The following PARN variants were observed in gnomAD, a reference collection of about 807,000 sequenced individuals.
The protein encoded by PARN is poly(A)-specific ribonuclease PARN.
In PARN, 71 loss-of-function variants were observed where a neutral mutation model predicts 102.8. That is an observed-to-expected ratio of 0.69 (90% CI 0.57 to 0.84). PARN has a LOEUF of 0.84. Ranked by LOEUF, PARN falls within the 40% of genes least tolerant of loss-of-function variation. The pLI, the probability that PARN is intolerant of heterozygous loss-of-function variation, is 0.00. For missense variants in PARN, 782 were observed against 760.9 expected, an observed-to-expected ratio of 1.03 and a Z score of -0.33; for synonymous variants, 261 against 252.9, an observed-to-expected ratio of 1.03 and a Z score of -0.30.
At chr16:14,530,061 G>A (rs966993502) in intron 21 of PARN, among the ~76,000 whole-genome samples, 3 of 152,156 alleles carry the variant, frequency 2.0e-5, no homozygotes, top group Admixed American at 1.3e-4. Flanking sequence ...TGGCCCTTGG[G>A]TGTCAGACTC....
intron 5 of PARN, among the ~76,000 whole-genome samples, chr16:14,618,334 A>G (rs1161925510): frequency 6.6e-6 from 1 of 152,044 alleles, no homozygotes; most frequent in Non-Finnish European, 1.5e-5. Flanking sequence ...AAAAATAAAA[A>G]TAAATTAGCC....
chr16:14,603,826 T>C (rs987683560), intron 11 of PARN, among the ~76,000 whole-genome samples: 2 of 152,200 alleles, frequency 1.3e-5, no homozygotes, highest in African/African-American at 4.8e-5. Flanking sequence ...CTAGTAACTA[T>C]ACATGAAGTT....
In PARN at chr16:14,468,978, T is replaced by TA. The variant is rs752152603; in HGVS notation, c.1670+13659dup. ...ACACTAAAACAAACAAACAAAGAAA[T>TA]AAAAAAAACACACATAAAAAAACGA... On this transcript the variant is annotated intron_variant, in intron 22 of 23. Coordinates refer to ENST00000437198, the MANE Select transcript of PARN (RefSeq NM_002582.4). Among the ~76,000 whole-genome samples, 80 of 144,984 alleles carry TA rather than the reference T, an allele frequency of 5.5e-4. 1 individual carries two copies. In the South Asian group the frequency reaches 0.015, roughly 26 times the overall value.
At chr16:14,436,990 C>T (rs541628170) in intron 23 of PARN, among the ~76,000 whole-genome samples, 3 of 152,290 alleles carry the variant, frequency 2.0e-5, no homozygotes, top group South Asian at 4.1e-4. Flanking sequence ...ATCATGGGGG[C>T]GCGGAGGAAG....
At chr16:14,520,236 AGATT>A (rs1160731840) in intron 21 of PARN, among the ~76,000 whole-genome samples, 1 of 152,226 alleles carries the variant, frequency 6.6e-6, no homozygotes, top group African/African-American at 2.4e-5. Context: ...ACACACTGAT[AGATT>A]AAGAGACACC....
At chr16:14,446,479 G>T (rs182972861) in intron 23 of PARN, among the ~76,000 whole-genome samples, 5 of 152,254 alleles carry the variant, frequency 3.3e-5, no homozygotes, top group African/African-American at 7.2e-5. Context: ...ATTCTGCTTC[G>T]GAGAGAAATC....
At chr16:14,563,441 G>A (rs1968203410) in intron 18 of PARN, among the ~76,000 whole-genome samples, 1 of 151,220 alleles carries the variant, frequency 6.6e-6, no homozygotes. Flanking sequence ...TCTACATGAT[G>A]CTGACCACGA....
intron 18 of PARN, among the ~76,000 whole-genome samples, chr16:14,578,207 TA>T (rs1375412418): frequency 6.7e-6 from 1 of 148,604 alleles, no homozygotes; most frequent in Non-Finnish European, 1.5e-5. Flanking sequence ...TACGAGCCTG[TA>T]GTCCCAGCTA....
chr16:14,493,944 A>T (rs766080417), intron 21 of PARN, among the ~76,000 whole-genome samples: 3 of 152,264 alleles, frequency 2.0e-5, no homozygotes, highest in African/African-American at 7.2e-5. Context: ...TAATGCTTGT[A>T]AAGAACTATG....
intron 6 of PARN, among the ~76,000 whole-genome samples, chr16:14,617,075 T>TAA (rs1384908122): frequency 6.7e-6 from 1 of 148,740 alleles, no homozygotes; most frequent in Non-Finnish European, 1.5e-5. Flanking sequence ...TTGTTTTTTT[T>TAA]TAAAAAAAAA....
intron 17 of PARN, among the ~76,000 whole-genome samples, chr16:14,581,921 C>A (rs1969556730): frequency 6.6e-6 from 1 of 152,156 alleles, no homozygotes; most frequent in South Asian, 2.1e-4. Context: ...AGAGGCGGCA[C>A]AGCTTCTGCT....
At chr16:14,532,851 G>C (rs866986567) in intron 21 of PARN, among the ~76,000 whole-genome samples, 1 of 151,352 alleles carries the variant, frequency 6.6e-6, no homozygotes, top group African/African-American at 2.4e-5. Context: ...CTGGCCGGGC[G>C]GGGGGCTGAC....
chr16:14,438,811 G>A lies in PARN; in HGVS notation c.1865-2039C>T, dbSNP rs564320535. 9.9e-5 allele frequency among the ~76,000 whole-genome samples: 15 copies of A among 152,246 alleles called. No individual in the cohort carries two copies. The South Asian group carries it at 2.5e-3, about 25-fold the overall frequency. Reference sequence around the variant, plus strand: ...CTGTCTACCTGTACAGCTGCTGAGCGAGAATGATGTGTACAAAGGGGCCAG... The same window carrying A: ...CTGTCTACCTGTACAGCTGCTGAGCAAGAATGATGTGTACAAAGGGGCCAG... On this transcript the variant is annotated intron_variant, in intron 23 of 23. Transcript: ENST00000437198.
chr16:14,579,701 A>C (rs1323387453), intron 18 of PARN, among the ~76,000 whole-genome samples: 1 of 152,148 alleles, frequency 6.6e-6, no homozygotes, highest in Non-Finnish European at 1.5e-5. Context: ...TTAGCTGGCC[A>C]CGGTGGTTCA....
intron 18 of PARN, among the ~76,000 whole-genome samples, chr16:14,570,178 A>T (rs935706711): frequency 3.3e-5 from 5 of 151,952 alleles, no homozygotes; most frequent in Non-Finnish European, 7.4e-5. Context: ...GACTCTACTA[A>T]AAATACAAAA....
At chr16:14,543,769 AT>A (rs1453397547) in intron 21 of PARN, among the ~76,000 whole-genome samples, 3 of 152,258 alleles carry the variant, frequency 2.0e-5, no homozygotes, top group African/African-American at 7.2e-5. Context: ...AAAAGGGGGT[AT>A]ACAAAAGAAC....
chr16:14,472,852 A>G (rs964949926), intron 22 of PARN, among the ~76,000 whole-genome samples: 3 of 152,202 alleles, frequency 2.0e-5, no homozygotes, highest in African/African-American at 7.2e-5. Flanking sequence ...ATAGGAATAC[A>G]CTTTCTTCTC....
chr16:14,467,131 A>T (rs1237119641), intron 22 of PARN, among the ~76,000 whole-genome samples: 1 of 152,234 alleles, frequency 6.6e-6, no homozygotes, highest in Non-Finnish European at 1.5e-5. Context: ...CAGTTTCATT[A>T]TGTCATTAAC....
chr16:14,498,330 T>A (rs1326836298), intron 21 of PARN, among the ~76,000 whole-genome samples: 1 of 152,006 alleles, frequency 6.6e-6, no homozygotes, highest in African/African-American at 2.4e-5. Context: ...TCTCCCAACC[T>A]ATTAGAGAGT....
Sources: gnomAD v4.1 joint callset for allele counts (sites outside exome capture counted in the v4.1 genomes callset) on GRCh38, gnomAD v4.1.1 for gene constraint, MANE v1.5 for transcripts, NCBI Gene and HGNC (gene_info 2026-07-23, HGNC 2026-07-21) for gene names.